PLA1A: variants seen among roughly 807,000 people sequenced by gnomAD.
PLA1A encodes the protein phosphatidylserine-specific phospholipase A1alpha.
In PLA1A, 47 loss-of-function variants were observed where a neutral mutation model predicts 49.4. The ratio of observed to expected loss-of-function variants is 0.95; its 90% CI spans 0.75 to 1.21. PLA1A has a LOEUF of 1.21. Among genes scored for constraint, PLA1A ranks in the 50% most tolerant of loss-of-function variants. The pLI is 0.00. For synonymous variants in PLA1A, 224 were observed against 207.9 expected (o/e 1.08, Z -0.67); for missense variants, 561 against 563.9 (o/e 0.99, Z 0.05).
chr3:119,608,645 C>T (rs1723968), intron 2 of PLA1A, 125 bp from the exon 3 acceptor site: 4 of 761,276 alleles, frequency 5.3e-6, no homozygotes, highest in East Asian at 4.9e-5. Context: ...GTGTAATAAA[C>T]TCCTCATATG....
intron 1 of PLA1A, among the ~76,000 whole-genome samples, chr3:119,603,626 C>A (rs2082646297): frequency 1.3e-5 from 2 of 152,126 alleles, no homozygotes; most frequent in Non-Finnish European, 2.9e-5. Flanking sequence ...ATGTAAGTTA[C>A]ACATTTTTCC....
intron 8 of PLA1A, among the ~76,000 whole-genome samples, chr3:119,623,318 T>C (rs570958668): frequency 1.8e-4 from 27 of 152,230 alleles, no homozygotes; most frequent in African/African-American, 6.5e-4. Context: ...TTTTTTGTTT[T>C]TGTTTTTTTG....
chr3:119,616,715 T>C (rs987244062), intron 6 of PLA1A, among the ~76,000 whole-genome samples: 1 of 152,272 alleles, frequency 6.6e-6, no homozygotes, highest in Non-Finnish European at 1.5e-5. Context: ...TAAGGATTCC[T>C]TTGACAATCT....
chr3:119,619,510 G>A, intron 7 of PLA1A, 53 bp from the exon 8 acceptor site: 1 of 1,216,764 alleles, frequency 8.2e-7, no homozygotes, highest in Middle Eastern at 1.9e-4. Flanking sequence ...GGTGCTGTGG[G>A]ACCCTAAGAT....
chr3:119,619,045 T>A (rs1381946580), intron 7 of PLA1A, among the ~76,000 whole-genome samples: 1 of 152,202 alleles, frequency 6.6e-6, no homozygotes, highest in African/African-American at 2.4e-5. Flanking sequence ...CCCAGCCTCA[T>A]CTCTCACTAC....
At chr3:119,617,054 A>T (rs1478967812) in intron 6 of PLA1A, among the ~76,000 whole-genome samples, 1 of 152,238 alleles carries the variant, frequency 6.6e-6, no homozygotes, top group African/African-American at 2.4e-5. Flanking sequence ...CTCAAGGTGC[A>T]GGGAGAGTTT....
intron 1 of PLA1A, among the ~76,000 whole-genome samples, chr3:119,601,500 T>C (rs1477153823): frequency 6.6e-6 from 1 of 152,262 alleles, no homozygotes; most frequent in Non-Finnish European, 1.5e-5. Flanking sequence ...TATTTCATTC[T>C]GCACCCCTCA....
intron 1 of PLA1A, among the ~76,000 whole-genome samples, chr3:119,600,673 A>G (rs2107773400): frequency 6.6e-6 from 1 of 152,294 alleles, no homozygotes; most frequent in East Asian, 1.9e-4. Context: ...CTACTTCCTG[A>G]CGTTAGGCAG....
intron 4 of PLA1A, among the ~76,000 whole-genome samples, chr3:119,610,394 T>A (rs1231267737): frequency 6.6e-6 from 1 of 152,216 alleles, no homozygotes; most frequent in African/African-American, 2.4e-5. Flanking sequence ...CTTTGAGGAA[T>A]CTTCAGATCG....
chr3:119,623,168 G>T (rs916328823), intron 8 of PLA1A, among the ~76,000 whole-genome samples: 5 of 151,668 alleles, frequency 3.3e-5, no homozygotes, highest in Admixed American at 6.6e-5. Flanking sequence ...TTGAGACAGG[G>T]TCTCCCACTG....
chr3:119,599,008 T>C (rs768073207), intron 1 of PLA1A, among the ~76,000 whole-genome samples: 1 of 152,168 alleles, frequency 6.6e-6, no homozygotes, highest in Non-Finnish European at 1.5e-5. Context: ...TCTTTTAGCA[T>C]AGTTAGTGCT....
intron 8 of PLA1A, among the ~76,000 whole-genome samples, chr3:119,619,913 C>T (rs73192012): frequency 8.5e-5 from 13 of 152,326 alleles, no homozygotes; most frequent in Non-Finnish European, 1.2e-4. Context: ...TGGGTCTTCT[C>T]TCTCGAGTGA....
chr3:119,617,546 C>G (rs2082864776), intron 6 of PLA1A, among the ~76,000 whole-genome samples: 1 of 151,820 alleles, frequency 6.6e-6, no homozygotes, highest in African/African-American at 2.4e-5. Context: ...AGTTTGAGAC[C>G]AGCCTGGCCA....
chr3:119,616,689 C>T lies in PLA1A; in HGVS notation c.754+588C>T, dbSNP rs188399541. Reference sequence around the variant, plus strand: ...TGTTTTTAGTCTTTTCTTGCTTTACCAAATTTCTAACATTTTAAGGATTCC... The same window carrying T: ...TGTTTTTAGTCTTTTCTTGCTTTACTAAATTTCTAACATTTTAAGGATTCC... On this transcript the variant is annotated intron_variant, in intron 6 of 10. Transcript: ENST00000273371. Among the ~76,000 whole-genome samples the T allele has an allele frequency of 4.0e-3, 615 of 152,174 alleles. 4 individuals are homozygous for T. The highest frequency in any genetic ancestry group is 0.014 in the African/African-American group (593 of 41,518).
intron 1 of PLA1A, 90 bp from the exon 2 acceptor site, chr3:119,606,684 T>G: frequency 1.0e-6 from 1 of 983,720 alleles, no homozygotes; most frequent in Non-Finnish European, 1.5e-6. Flanking sequence ...AGGCCCCTGT[T>G]TCTTGCTTCC....
intron 8 of PLA1A, among the ~76,000 whole-genome samples, chr3:119,622,205 AAGAAGG>A (rs1391371894): frequency 0.062 from 2,313 of 37,272 alleles, 91 homozygotes; most frequent in African/African-American, 0.18. Flanking sequence ...GAAGAAGAAG[AAGAAGG>A]AGACAGAATC....
chr3:119,598,086 G>T (rs986430204), intron 1 of PLA1A, 100 bp downstream of exon 1: 4 of 673,874 alleles, frequency 5.9e-6, no homozygotes, highest in Non-Finnish European at 7.6e-6. Context: ...TCCCCTAAAA[G>T]CCTTTTGCCT....
chr3:119,600,153 G>T, intron 1 of PLA1A: 1 of 517,272 alleles, frequency 1.9e-6, no homozygotes, highest in Non-Finnish European at 3.5e-6. Flanking sequence ...AGGTTCAGGA[G>T]GTATCCAGGT....
At chr3:119,598,122 G>T in intron 1 of PLA1A, 136 bp downstream of exon 1, 2 of 522,716 alleles carry the variant, frequency 3.8e-6, no homozygotes, top group Non-Finnish European at 6.8e-6. Context: ...TAAAACAGTA[G>T]GGGAAAAAAA....
Sources: gnomAD v4.1 joint callset for allele counts (sites outside exome capture counted in the v4.1 genomes callset) on GRCh38, gnomAD v4.1.1 for gene constraint, MANE v1.5 for transcripts, NCBI Gene and HGNC (gene_info 2026-07-23, HGNC 2026-07-21) for gene names.